Variants in CSGALNACT1 observed in about 807,000 individuals in gnomAD.
CSGALNACT1 encodes the protein beta4GalNAcT-1.
In CSGALNACT1, 52 loss-of-function variants were observed where a neutral mutation model predicts 51.0. The observed-to-expected ratio is 1.02, with a 90% CI of 0.82 to 1.29. CSGALNACT1 has a LOEUF of 1.29. CSGALNACT1 is among the 50% of genes most tolerant of loss of function. The pLI, the probability that CSGALNACT1 is intolerant of heterozygous loss-of-function variation, is 0.00. For missense variants in CSGALNACT1, 935 were observed against 679.2 expected (o/e 1.38, Z -4.19); for synonymous variants, 341 against 254.4 (o/e 1.34, Z -3.24).
intron 3 of CSGALNACT1, among the ~76,000 whole-genome samples, chr8:19,508,399 C>A (rs905890088): frequency 1.3e-5 from 2 of 152,204 alleles, no homozygotes; most frequent in African/African-American, 2.4e-5. Flanking sequence ...CCCAAGGATT[C>A]TCTCTACTGT....
intron 1 of CSGALNACT1, among the ~76,000 whole-genome samples, chr8:19,660,964 G>A (rs1380981818): frequency 6.6e-6 from 1 of 152,170 alleles, no homozygotes. Context: ...CCAGGCTGGA[G>A]TGCAGTGGTG....
chr8:19,570,012 C>A (rs181001503), intron 3 of CSGALNACT1, among the ~76,000 whole-genome samples: 1 of 151,748 alleles, frequency 6.6e-6, no homozygotes, highest in Non-Finnish European at 1.5e-5. Flanking sequence ...TCCAAGATGT[C>A]TGATTAGATT....
In CSGALNACT1 at chr8:19,408,662, G is replaced by A. The variant is rs376015680; in HGVS notation, c.1260C>T (p.Asp420=). Residue 420 remains aspartate, a synonymous_variant, in exon 9 of 10, where the codon GAC becomes GAT. Coordinates refer to ENST00000454498, the Ensembl canonical transcript of CSGALNACT1. ...ACTGACACGTCATCCCAAATCCAAA[G>A]TCTCTCCAAAATCCAGTTTCCTTCT... The A allele has an allele frequency of 5.3e-5, 86 of 1,613,694 alleles. No homozygotes were observed. The highest frequency in any genetic ancestry group is 3.1e-5 in the Non-Finnish European group (37 of 1,179,960).
intron 1 of CSGALNACT1, among the ~76,000 whole-genome samples, chr8:19,692,100 C>G (rs544869120): frequency 7.9e-5 from 12 of 152,228 alleles, no homozygotes; most frequent in African/African-American, 2.6e-4. Flanking sequence ...CATCAGATAT[C>G]CTGAGAACTC....
intron 2 of CSGALNACT1, among the ~76,000 whole-genome samples, chr8:19,601,506 T>G (rs2050413791): frequency 6.6e-6 from 1 of 152,312 alleles, no homozygotes; most frequent in South Asian, 2.1e-4. Context: ...CTTGCCACTC[T>G]GAGAAGAGAT....
chr8:19,586,660 A>C (rs1252298706), intron 3 of CSGALNACT1, among the ~76,000 whole-genome samples: 1 of 152,090 alleles, frequency 6.6e-6, no homozygotes, highest in Non-Finnish European at 1.5e-5. Context: ...TCAGACTTGG[A>C]ATCAGGTTTT....
At position 19,662,997 on chromosome 8, in the gene CSGALNACT1, G is replaced by A. The variant is rs79692476; in HGVS notation, c.-544+19476C>T. Among the ~76,000 whole-genome samples the A allele has an allele frequency of 1.5e-3, 231 of 152,252 alleles. 6 individuals are homozygous for A. The East Asian group carries it at 0.038, about 25-fold the overall frequency. The stretch of plus-strand genomic sequence containing the variant: ...AATGATGCAAGGAAAAGGAAAGGGG[G>A]AAAAAAGTGCTAGTGCTACAAATGC... On this transcript the variant is annotated intron_variant, in intron 1 of 9. Transcript: ENST00000332246.
chr8:19,747,532 G>A (rs1180853777), intron 1 of CSGALNACT1, among the ~76,000 whole-genome samples: 1 of 152,142 alleles, frequency 6.6e-6, no homozygotes, highest in Non-Finnish European at 1.5e-5. Context: ...TCTCTACTAA[G>A]GAAAGCTATT....
intron 1 of CSGALNACT1, among the ~76,000 whole-genome samples, chr8:19,728,681 A>C (rs1368418076): frequency 6.6e-6 from 1 of 152,178 alleles, no homozygotes; most frequent in Non-Finnish European, 1.5e-5. Flanking sequence ...TATTCATTCA[A>C]TGCAGAGGCA....
At chr8:19,466,886 T>G (rs950984999) in intron 4 of CSGALNACT1, among the ~76,000 whole-genome samples, 1 of 152,216 alleles carries the variant, frequency 6.6e-6, no homozygotes, top group African/African-American at 2.4e-5. Flanking sequence ...CAGCTGCCAC[T>G]GAAAGTTTCT....
intron 6 of CSGALNACT1, among the ~76,000 whole-genome samples, chr8:19,435,998 G>C: frequency 6.6e-6 from 1 of 151,860 alleles, no homozygotes; most frequent in Admixed American, 6.6e-5. Flanking sequence ...TTAAAAATTG[G>C]ACATAAGCCA....
At chr8:19,569,156 C>T (rs759510235) in intron 3 of CSGALNACT1, among the ~76,000 whole-genome samples, 2 of 152,114 alleles carry the variant, frequency 1.3e-5, no homozygotes, top group African/African-American at 2.4e-5. Flanking sequence ...GCCAGATGGG[C>T]GTAGTGGGAA....
chr8:19,686,026 G>T (rs1218929012), upstream of CSGALNACT1, among the ~76,000 whole-genome samples: 1 of 152,208 alleles, frequency 6.6e-6, no homozygotes, highest in Admixed American at 6.5e-5. Flanking sequence ...TGTTCCTCAA[G>T]TAGGAAGATT....
At chr8:19,642,423 A>G (rs1274065912) in intron 1 of CSGALNACT1, among the ~76,000 whole-genome samples, 1 of 152,212 alleles carries the variant, frequency 6.6e-6, no homozygotes, top group Non-Finnish European at 1.5e-5. Flanking sequence ...TAAATAGCAC[A>G]GAAACAGACC....
chr8:19,712,870 G>A (rs2062592772), intron 1 of CSGALNACT1, among the ~76,000 whole-genome samples: 2 of 152,190 alleles, frequency 1.3e-5, no homozygotes, highest in South Asian at 4.1e-4. Flanking sequence ...TCCAAGTGCA[G>A]TTGGAAACAA....
At chr8:19,582,592 A>G (rs893742217) in intron 3 of CSGALNACT1, among the ~76,000 whole-genome samples, 4 of 152,202 alleles carry the variant, frequency 2.6e-5, no homozygotes, top group Admixed American at 6.5e-5. Context: ...AAAGATAGAC[A>G]CATGACCCAG....
intron 3 of CSGALNACT1, among the ~76,000 whole-genome samples, chr8:19,510,686 G>A (rs2078302709): frequency 6.6e-6 from 1 of 152,220 alleles, no homozygotes; most frequent in South Asian, 2.1e-4. Flanking sequence ...AAACGTATGG[G>A]TGAGGAGTGG....
chr8:19,507,664 C>T (rs2154002647), intron 3 of CSGALNACT1, among the ~76,000 whole-genome samples: 1 of 152,148 alleles, frequency 6.6e-6, no homozygotes, highest in African/African-American at 2.4e-5. Flanking sequence ...GAGTCTCGCT[C>T]ATCGCCAGGC....
intron 4 of CSGALNACT1, among the ~76,000 whole-genome samples, chr8:19,465,058 G>C (rs187136889): frequency 6.6e-6 from 1 of 152,216 alleles, no homozygotes; most frequent in Non-Finnish European, 1.5e-5. Context: ...GATCACAGCA[G>C]CATTATTCAC....
Sources: allele counts gnomAD v4.1 joint callset (sites outside exome capture counted in the v4.1 genomes callset), GRCh38; gene constraint gnomAD v4.1.1; transcripts MANE v1.5; gene names NCBI Gene and HGNC (gene_info 2026-07-23, HGNC 2026-07-21).